FCHO1: variants seen among roughly 807,000 people sequenced by gnomAD.
The protein encoded by FCHO1 is F-BAR domain only protein 1.
A neutral mutation model predicts 114.4 loss-of-function variants in FCHO1; 45 were observed. The observed-to-expected ratio is 0.39, with a 90% confidence interval of 0.31 to 0.50. The LOEUF is 0.50. Among genes scored for constraint, FCHO1 ranks in the 20% least tolerant of loss-of-function variants. FCHO1 has a pLI of 0.77. For synonymous variants in FCHO1, 480 were observed against 488.9 expected, an observed-to-expected ratio of 0.98 and a Z score of 0.24; for missense variants, 1,042 against 1,209.6, an observed-to-expected ratio of 0.86 and a Z score of 2.06.
intron 19 of FCHO1, 173 bp downstream of exon 19, chr19:17,778,401 G>A: frequency 1.3e-6 from 1 of 752,376 alleles, no homozygotes; most frequent in Non-Finnish European, 2.1e-6. Flanking sequence ...ATAGGGTGGG[G>A]CCTTGGCCAG....
At chr19:17,779,611 GGAGC>G (rs2093132703) in intron 20 of FCHO1, among the ~76,000 whole-genome samples, 1 of 147,566 alleles carries the variant, frequency 6.8e-6, no homozygotes, top group Non-Finnish European at 1.5e-5. Flanking sequence ...GGATGGGGAA[GGAGC>G]GGAGTCAAGG....
At chr19:17,773,304 A>G (rs932925715) in intron 11 of FCHO1, among the ~76,000 whole-genome samples, 2 of 152,204 alleles carry the variant, frequency 1.3e-5, no homozygotes, top group African/African-American at 4.8e-5. Context: ...AGGATGTAAT[A>G]ATGTTGCAAC....
At chr19:17,786,774 C>T (rs946283913) in intron 27 of FCHO1, 145 bp downstream of exon 27, 21 of 850,128 alleles carry the variant, frequency 2.5e-5, no homozygotes, top group African/African-American at 1.0e-4. Flanking sequence ...GGAGGAGGGC[C>T]GGGCTGAGTG....
In FCHO1 at chr19:17,784,995, A is replaced by G. The variant is rs371807380; in HGVS notation, c.2426+71A>G. The stretch of plus-strand genomic sequence containing the variant: ...TAACCCCAGACCTTCTCCCTGATGC[A>G]TTGATTAAAGGGTGCACCCTCGGCC... On this transcript the variant is annotated intron_variant, in intron 26 of 28. Coordinates refer to ENST00000596536, the MANE Select transcript of FCHO1 (RefSeq NM_015122.3). The surrounding 1 kb of genome is among the most constrained non-coding windows in gnomAD (Gnocchi z 5.3). 2.0e-5 allele frequency: 29 copies of G among 1,482,694 alleles called. No homozygotes were observed. Among genetic ancestry groups the G allele is most frequent in the South Asian group, 1.8e-4 (16 of 87,932 alleles). The allele number at this position is 1,482,694 out of a possible 1,614,324, so 91.8% of individuals were successfully genotyped here.
At position 17,770,917 on chromosome 19, in the gene FCHO1, C is replaced by T. The variant is rs765931639; in HGVS notation, c.594+21C>T. On this transcript the variant is annotated intron_variant, in intron 9 of 28. Transcript: ENST00000596536. The stretch of plus-strand genomic sequence containing the variant: ...CCCTGGTAAGAACCAGGCATCTGTA[C>T]CTTTAAGACCCACACATGCCTTTGC... The T allele has an allele frequency of 1.1e-5, 18 of 1,594,332 alleles. No homozygotes were observed. The South Asian group carries it at 2.0e-4, about 18-fold the overall frequency.
At position 17,776,980 on chromosome 19, in the gene FCHO1, TAG is replaced by T. The variant is rs895137533; in HGVS notation, c.1259+298_1259+299del. Among the ~76,000 whole-genome samples, 33 of 151,908 alleles carry T rather than the reference TAG, an allele frequency of 2.2e-4. No homozygotes were observed. The highest frequency in any genetic ancestry group is 6.6e-4 in the Admixed American group (10 of 15,252). On this transcript the variant is annotated intron_variant, in intron 18 of 28. Coordinates refer to ENST00000596536, the MANE Select transcript of FCHO1 (RefSeq NM_015122.3). This position sits in a 1 kb window ranked among gnomAD's most constrained non-coding sequence, Gnocchi z 4.4. ...GCCCAGCTAACTTTTGTATTTTTAGTAGAGACAGGGTTTCACCATGTTGGCCC... is the reference window on the plus strand; with the variant it reads ...GCCCAGCTAACTTTTGTATTTTTAGTAGACAGGGTTTCACCATGTTGGCCC...
At chr19:17,774,876 T>G in intron 13 of FCHO1, 180 bp from the exon 14 acceptor site, 1 of 641,026 alleles carries the variant, frequency 1.6e-6, no homozygotes, top group Admixed American at 2.8e-5. Context: ...TCTACTCAGC[T>G]AACTTCAGAT....
Position 17,770,529 on chromosome 19 carries a change from C to T in FCHO1, c.441C>T (p.Asp147=). Residue 147 remains aspartate (D), a synonymous_variant, in exon 8 of 29, where the codon GAC becomes GAT. Transcript: ENST00000596536. ...SRENYLNRCM[D]QERLRRESTS... Reference sequence around the variant, plus strand: ...AGAACTACCTGAACCGTTGCATGGACCAGGAGCGGCTGCGGAGGGAGAGTA... The same window carrying T: ...AGAACTACCTGAACCGTTGCATGGATCAGGAGCGGCTGCGGAGGGAGAGTA... 6.2e-7 allele frequency: 1 copy of T among 1,613,822 alleles called. No individual in the cohort carries two copies. Among genetic ancestry groups the T allele is most frequent in the Non-Finnish European group, 8.5e-7 (1 of 1,179,776 alleles).
intron 24 of FCHO1, 64 bp downstream of exon 24, chr19:17,783,236 G>C (rs1057482885): frequency 1.7e-4 from 250 of 1,502,648 alleles, no homozygotes; most frequent in Middle Eastern, 3.6e-4. Context: ...TCCGGACTCT[G>C]AGTTCCCTCT....
chr19:17,783,978 G>C, intron 24 of FCHO1, 125 bp from the exon 25 acceptor site: 1 of 1,222,856 alleles, frequency 8.2e-7, no homozygotes, highest in Non-Finnish European at 1.2e-6. Flanking sequence ...CAACCACCCA[G>C]GTAGGGCTTT....
Position 17,781,240 on chromosome 19 carries a change from C to T in FCHO1, c.1637C>T (p.Pro546Leu). 6.2e-7 allele frequency: 1 copy of T among 1,613,098 alleles called. No individual in the cohort carries two copies. The highest frequency in any genetic ancestry group is 8.5e-7 in the Non-Finnish European group (1 of 1,179,388). The change falls in exon 21 of 29, where the codon CCT becomes CTT. Residue 546 changes from proline (P) to leucine (L), a missense_variant. Around this residue, in one of 3 missense-constraint regions of FCHO1, gnomAD observed 455 missense variants for 455.4 expected, o/e 1.00. Coordinates refer to ENST00000596536, the MANE Select transcript of FCHO1 (RefSeq NM_015122.3). ...TTGTACTCGCTCCTAGACCTGATGC[C>T]TGCACCTGCTGACCCCACAGCCAGG... ...LEALAGGDLM[P>L]APADPTAREG...
chr19:17,788,248 T>TCCC, intron 28 of FCHO1, 36 bp from the exon 29 acceptor site: 3 of 520,198 alleles, frequency 5.8e-6, no homozygotes, highest in Middle Eastern at 3.6e-4. Context: ...GTACCCCTCC[T>TCCC]CCCCACCCCT....
chr19:17,775,033 A>C lies in FCHO1; in HGVS notation c.921-23A>C. On this transcript the variant is annotated intron_variant, in intron 13 of 28. Coordinates refer to ENST00000596536, the MANE Select transcript of FCHO1 (RefSeq NM_015122.3). This position sits in a 1 kb window ranked among gnomAD's most constrained non-coding sequence, Gnocchi z 5.1. ...CAGATGGGCTGCGGAAGCTGACACCAACATCTCTTCCTCCATCCCCAGAGA... is the reference window on the plus strand; with the variant it reads ...CAGATGGGCTGCGGAAGCTGACACCCACATCTCTTCCTCCATCCCCAGAGA... The C allele has an allele frequency of 6.2e-7, 1 of 1,613,446 alleles. No homozygotes were observed. The highest frequency in any genetic ancestry group is 8.5e-7 in the Non-Finnish European group (1 of 1,179,768).
At chr19:17,779,013 G>T in intron 20 of FCHO1, 129 bp downstream of exon 20, 4 of 998,370 alleles carry the variant, frequency 4.0e-6, no homozygotes, top group Non-Finnish European at 5.6e-6. Flanking sequence ...ACCTCCCACC[G>T]TTGCAGGGAC....
chr19:17,766,473 C>G, intron 6 of FCHO1, 196 bp from the exon 7 acceptor site: 2 of 616,570 alleles, frequency 3.2e-6, no homozygotes, highest in Non-Finnish European at 5.5e-6. Context: ...TTGGGAGGAG[C>G]TATAGAGCTC....
At chr19:17,749,343 C>T (rs753276880), upstream of FCHO1, among the ~76,000 whole-genome samples, 7 of 152,112 alleles carry the variant, frequency 4.6e-5, no homozygotes, top group Non-Finnish European at 8.8e-5. Flanking sequence ...GGCTGAATTC[C>T]TCTGGGAAGA....
rs141727484 is a variant in FCHO1, at chr19:17,764,435, C to T, written c.180C>T (p.Asn60=). The T allele has an allele frequency of 8.9e-5, 144 of 1,612,818 alleles. No individual in the cohort carries two copies. The South Asian group carries it at 1.5e-3, about 17-fold the overall frequency. Residue 60 remains asparagine (N), a synonymous_variant, in exon 6 of 29, where the codon AAC becomes AAT. Transcript: ENST00000596536. ...CGAAACTCTCCAAGCTGGCCAGCAA[C>T]GGGACCCCCATGGGGTGAGTGGGGT... The part of the protein sequence containing the change: ...AMAKLSKLAS[N]GTPMGTFAPL...
intron 7 of FCHO1, among the ~76,000 whole-genome samples, chr19:17,769,502 C>A (rs1328044166): frequency 2.0e-5 from 3 of 151,208 alleles, no homozygotes; most frequent in Non-Finnish European, 4.4e-5. Context: ...TGGCGTGAAC[C>A]CGGGAGGCGG....
chr19:17,781,622 A>T, intron 22 of FCHO1, 83 bp downstream of exon 22: 11 of 1,563,162 alleles, frequency 7.0e-6, no homozygotes, highest in Non-Finnish European at 9.7e-6. Context: ...CTGTTGGCAG[A>T]GGTGTGGTTG....
Sources: allele counts gnomAD v4.1 joint callset (sites outside exome capture counted in the v4.1 genomes callset), GRCh38; gene constraint gnomAD v4.1.1; regional missense constraint gnomAD v4.1.1; non-coding constraint Gnocchi (gnomAD v3.1); transcripts MANE v1.5; gene names NCBI Gene and HGNC (gene_info 2026-07-23, HGNC 2026-07-21).